The following DPH6 variants were observed in gnomAD, a reference collection of about 807,000 sequenced individuals.
DPH6 encodes the protein diphthine--ammonia ligase.
DPH6 carries 33 observed loss-of-function variants against 38.2 expected under a neutral mutation model. The ratio of observed to expected loss-of-function variants is 0.86; its 90% CI spans 0.65 to 1.15. The LOEUF (loss-of-function observed/expected upper bound fraction) is 1.15, where lower values mean the gene tolerates loss of function less well. Among genes scored for constraint, DPH6 ranks in the 50% most tolerant of loss-of-function variants. The pLI is 0.00. For synonymous variants in DPH6, 108 were observed against 103.0 expected, an observed-to-expected ratio of 1.05 and a Z score of -0.30; for missense variants, 325 against 320.0, an observed-to-expected ratio of 1.02 and a Z score of -0.12.
chr15:35,159,067 T>C, the DPH6 span, among the ~76,000 whole-genome samples: 1 of 152,136 alleles, frequency 6.6e-6, no homozygotes, highest in Non-Finnish European at 1.5e-5. Context: ...TTTTCTAAGC[T>C]GGTGTTTCAC....
the DPH6 span, among the ~76,000 whole-genome samples, chr15:35,165,813 G>A: frequency 6.6e-6 from 1 of 151,854 alleles, no homozygotes; most frequent in Non-Finnish European, 1.5e-5. Flanking sequence ...GAAATTTCAC[G>A]ACGGCAATTT....
chr15:35,154,550 T>C, the DPH6 span, among the ~76,000 whole-genome samples: 1 of 152,304 alleles, frequency 6.6e-6, no homozygotes, highest in East Asian at 1.9e-4. Flanking sequence ...AAGCAGACTG[T>C]CAGGCACATA....
At chr15:35,454,886 G>A in intron 3 of DPH6, 66 bp from the exon 4 acceptor site, 2 of 1,197,158 alleles carry the variant, frequency 1.7e-6, no homozygotes, top group Non-Finnish European at 2.4e-6. Flanking sequence ...ATCATGCTCT[G>A]AAAATTATAA....
At chr15:35,358,675 A>AT (rs2052588914) in intron 3 of DPH6, among the ~76,000 whole-genome samples, 1 of 152,150 alleles carries the variant, frequency 6.6e-6, no homozygotes, top group Non-Finnish European at 1.5e-5. Flanking sequence ...GCCACACAGC[A>AT]AGTCTACCTG....
At chr15:35,300,834 G>A (rs983610143) in intron 3 of DPH6, among the ~76,000 whole-genome samples, 3 of 152,112 alleles carry the variant, frequency 2.0e-5, no homozygotes, top group Admixed American at 6.5e-5. Context: ...TAAGCTTACA[G>A]GCACACATGG....
At chr15:35,354,043 T>C (rs2052538455) in intron 3 of DPH6, among the ~76,000 whole-genome samples, 1 of 152,186 alleles carries the variant, frequency 6.6e-6, no homozygotes, top group African/African-American at 2.4e-5. Context: ...TTTGAAGCAA[T>C]TGTGAATGGG....
intron 3 of DPH6, among the ~76,000 whole-genome samples, chr15:35,501,660 A>C (rs2054629586): frequency 6.6e-6 from 1 of 152,128 alleles, no homozygotes; most frequent in Non-Finnish European, 1.5e-5. Flanking sequence ...GTTAACCATA[A>C]AACAAAAATC....
chr15:35,301,924 A>C (rs1045782104), intron 3 of DPH6, among the ~76,000 whole-genome samples: 10 of 152,302 alleles, frequency 6.6e-5, no homozygotes, highest in Middle Eastern at 3.4e-3. Context: ...CAGTGAGCTA[A>C]GATAGTGCCA....
At chr15:35,545,156 T>C (rs117049391) in intron 1 of DPH6, among the ~76,000 whole-genome samples, 5 of 152,342 alleles carry the variant, frequency 3.3e-5, no homozygotes, top group East Asian at 3.9e-4. Flanking sequence ...AAATCTTCAA[T>C]TGGATTACAA....
rs201808807 is a variant in DPH6, at chr15:35,457,367, A to AT, written c.313-2548dup. Reference sequence around the variant, plus strand: ...GACCATCAGTTGTATTTGTTCAATAATTTTTTTTTGAGGCCTCCTGGGTTC... The same window carrying AT: ...GACCATCAGTTGTATTTGTTCAATAATTTTTTTTTTGAGGCCTCCTGGGTTC... On this transcript the variant is annotated intron_variant, in intron 3 of 8. Transcript: ENST00000256538. 2.0e-3 allele frequency among the ~76,000 whole-genome samples: 307 copies of AT among 151,404 alleles called. 1 individual carries two copies. The highest frequency in any genetic ancestry group is 7.2e-3 in the African/African-American group (297 of 41,310).
At chr15:35,283,202 C>T (rs1020524399) in intron 3 of DPH6, among the ~76,000 whole-genome samples, 8 of 139,178 alleles carry the variant, frequency 5.7e-5, no homozygotes, top group Middle Eastern at 7.5e-3. Flanking sequence ...TCTTCTTCTT[C>T]TTTCTTCCTC....
chr15:35,408,589 A>T (rs945255248), intron 6 of DPH6, among the ~76,000 whole-genome samples: 3 of 152,042 alleles, frequency 2.0e-5, no homozygotes, highest in African/African-American at 7.2e-5. Flanking sequence ...GAAAGTTTCT[A>T]GACGGAAAAT....
chr15:35,451,947 T>G (rs2053940243), intron 4 of DPH6, among the ~76,000 whole-genome samples: 1 of 152,120 alleles, frequency 6.6e-6, no homozygotes, highest in South Asian at 2.1e-4. Flanking sequence ...GAGGCGGAGC[T>G]TGCCGTAAGC....
At chr15:35,514,574 G>C (rs903427192) in intron 3 of DPH6, among the ~76,000 whole-genome samples, 1 of 152,108 alleles carries the variant, frequency 6.6e-6, no homozygotes, top group African/African-American at 2.4e-5. Context: ...TTGGAAGTTT[G>C]ATTTAATTTT....
At chr15:35,203,634 A>C in the DPH6 span, among the ~76,000 whole-genome samples, 1 of 151,770 alleles carries the variant, frequency 6.6e-6, no homozygotes, top group Non-Finnish European at 1.5e-5. Flanking sequence ...ATGCAGAATA[A>C]ATAAATAGCA....
rs1172550981 is a variant in DPH6 at position 35,454,804 on chromosome 15, TCTA to T, written c.326_328del (p.Val109del). On this transcript the variant is annotated inframe_deletion, in exon 4 of 9. Transcript: ENST00000256538. ...AAGTATAGCACCTACTGATATCCCCTCTACTTCTTCTTTTTCCTGAAAATAAAG... is the reference window on the plus strand; with the variant it reads ...AAGTATAGCACCTACTGATATCCCCTCTTCTTCTTTTTCCTGAAAATAAAG... 1.3e-6 allele frequency: 2 copies of T among 1,599,178 alleles called. No homozygotes were observed. Among genetic ancestry groups the T allele is most frequent in the African/African-American group, 2.7e-5 (2 of 74,168 alleles).
intron 6 of DPH6, among the ~76,000 whole-genome samples, chr15:35,389,286 G>A (rs1029558615): frequency 1.3e-5 from 2 of 152,138 alleles, no homozygotes; most frequent in African/African-American, 2.4e-5. Context: ...TGGAATAGGT[G>A]TGGTGTGGTG....
intron 5 of DPH6, among the ~76,000 whole-genome samples, chr15:35,446,912 A>G (rs1040190848): frequency 1.3e-5 from 2 of 150,454 alleles, no homozygotes; most frequent in Non-Finnish European, 3.0e-5. Context: ...TCTGTCGCCC[A>G]GGCTGGAGTG....
Position 35,349,661 on chromosome 15 carries a change from C to T in DPH6, n.208-18584G>A, listed in dbSNP as rs567113152. Among the ~76,000 whole-genome samples the T allele has an allele frequency of 1.2e-3, 189 of 152,268 alleles. 1 individual carries two copies. The highest frequency in any genetic ancestry group is 6.2e-4 in the Non-Finnish European group (42 of 68,022). Reference sequence around the variant, plus strand: ...TGTTGGCCAAGCTGGTCTTGAACTCCTGACCTCAAGTGATCTGCCCACCTC... The same window carrying T: ...TGTTGGCCAAGCTGGTCTTGAACTCTTGACCTCAAGTGATCTGCCCACCTC... On this transcript the variant is annotated intron_variant and non_coding_transcript_variant, in intron 3 of 3. Coordinates refer to the DPH6 transcript ENST00000558973.
Sources: gnomAD v4.1 joint callset for allele counts (sites outside exome capture counted in the v4.1 genomes callset) on GRCh38, gnomAD v4.1.1 for gene constraint, MANE v1.5 for transcripts, NCBI Gene and HGNC (gene_info 2026-07-23, HGNC 2026-07-21) for gene names.